OXR1: variants seen among roughly 807,000 people sequenced by gnomAD.
The protein encoded by OXR1 is oxidation resistance protein 1.
Under a neutral mutation model 104.6 loss-of-function variants are expected in OXR1, and 41 were observed. The observed-to-expected ratio is 0.39, with a 90% CI of 0.31 to 0.51. OXR1 has a LOEUF of 0.51. Among genes scored for constraint, OXR1 ranks in the 20% least tolerant of loss-of-function variants. The probability of loss-of-function intolerance (pLI) is 0.77; values close to 1 mark genes in which losing one functional copy is unlikely to be tolerated. For missense variants in OXR1, 955 were observed against 1,031.9 expected, an observed-to-expected ratio of 0.93 and a Z score of 1.02; for synonymous variants, 348 against 348.4, an observed-to-expected ratio of 1.00 and a Z score of 0.01.
chr8:106,545,538 G>A lies in OXR1; in HGVS notation c.220+26399G>A, dbSNP rs145960218. ...ACTCTTCCAGACACACAAGCATACT[G>A]TAAACCTATAATAATTAAAACGGTG... On this transcript the variant is annotated intron_variant, in intron 3 of 16. Transcript: ENST00000517566. 2.2e-3 allele frequency among the ~76,000 whole-genome samples: 338 copies of A among 152,308 alleles called. 2 individuals carry two copies. The highest frequency in any genetic ancestry group is 7.7e-3 in the African/African-American group (321 of 41,568).
At chr8:106,610,316 A>G (rs1416929294) in intron 3 of OXR1, among the ~76,000 whole-genome samples, 3 of 152,138 alleles carry the variant, frequency 2.0e-5, no homozygotes, top group Non-Finnish European at 4.4e-5. Flanking sequence ...ACAGTTTATA[A>G]TCATCATCTT....
intron 1 of OXR1, among the ~76,000 whole-genome samples, chr8:106,280,474 A>G (rs1455983578): frequency 6.6e-6 from 1 of 152,046 alleles, no homozygotes; most frequent in Non-Finnish European, 1.5e-5. Context: ...GACTCATCAC[A>G]CCACCAGTCT....
intron 1 of OXR1, among the ~76,000 whole-genome samples, chr8:106,345,783 G>T (rs1815452365): frequency 6.6e-6 from 1 of 152,122 alleles, no homozygotes; most frequent in African/African-American, 2.4e-5. Context: ...AATATATTAT[G>T]ATTATTGGTT....
At chr8:106,455,731 C>T (rs1418215491) in intron 2 of OXR1, among the ~76,000 whole-genome samples, 1 of 152,140 alleles carries the variant, frequency 6.6e-6, no homozygotes, top group Non-Finnish European at 1.5e-5. Flanking sequence ...TACCTTTGGA[C>T]TCTTTTGACT....
chr8:106,720,582 C>T (rs192062401), intron 11 of OXR1: 6 of 247,760 alleles, frequency 2.4e-5, no homozygotes, highest in Admixed American at 1.9e-4. Context: ...TTTGTTTAAT[C>T]ATTTTGTGCC....
chr8:106,721,698 A>G (rs1832836545), intron 11 of OXR1, among the ~76,000 whole-genome samples: 1 of 152,204 alleles, frequency 6.6e-6, no homozygotes, highest in Non-Finnish European at 1.5e-5. Context: ...TTACTATATA[A>G]ACCTCTATAC....
chr8:106,571,412 C>G (rs1817461530), intron 3 of OXR1, among the ~76,000 whole-genome samples: 1 of 152,058 alleles, frequency 6.6e-6, no homozygotes, highest in African/African-American at 2.4e-5. Flanking sequence ...TCATGAAGGC[C>G]TGACCCTCAT....
chr8:106,318,773 G>T (rs960516309), intron 1 of OXR1, among the ~76,000 whole-genome samples: 5 of 152,148 alleles, frequency 3.3e-5, no homozygotes, highest in African/African-American at 7.2e-5. Context: ...TTGCTTTTCT[G>T]CTAGTTTCTT....
chr8:106,568,462 C>T (rs1217328007), intron 3 of OXR1, among the ~76,000 whole-genome samples: 2 of 152,076 alleles, frequency 1.3e-5, no homozygotes, highest in Non-Finnish European at 1.5e-5. Context: ...GGAGAATGTA[C>T]TAGACGGATG....
At chr8:106,567,678 TC>T (rs1244410205) in intron 3 of OXR1, among the ~76,000 whole-genome samples, 1 of 152,188 alleles carries the variant, frequency 6.6e-6, no homozygotes, top group Non-Finnish European at 1.5e-5. Flanking sequence ...CTTTTATGCA[TC>T]CTTTTAGGAC....
rs28921386 is a variant in OXR1 at position 106,669,429 on chromosome 8, G to A, written c.221-9781G>A. ...TAGATACTAGATTTGAGGGAAAATT[G>A]AGGGGTTTTGTTTTGTTTTTGTTTT... On this transcript the variant is annotated intron_variant, in intron 3 of 16. Coordinates refer to ENST00000517566, the MANE Select transcript of OXR1 (RefSeq NM_001198533.2). Among the ~76,000 whole-genome samples the A allele has an allele frequency of 2.3e-3, 346 of 152,256 alleles. 1 individual carries two copies. Among genetic ancestry groups the A allele is most frequent in the African/African-American group, 7.7e-3 (321 of 41,570 alleles).
intron 3 of OXR1, among the ~76,000 whole-genome samples, chr8:106,558,157 C>T (rs151021722): frequency 1.2e-3 from 185 of 152,302 alleles, no homozygotes; most frequent in Admixed American, 3.3e-3. Flanking sequence ...GTGAGAATCA[C>T]ATGAGTAATG....
chr8:106,413,425 T>G (rs1818542645), intron 2 of OXR1, among the ~76,000 whole-genome samples: 1 of 152,120 alleles, frequency 6.6e-6, no homozygotes, highest in Admixed American at 6.6e-5. Context: ...CTTTTGAGCT[T>G]CTTCTTAAGA....
At chr8:106,363,140 T>C (rs1816318850) in intron 2 of OXR1, among the ~76,000 whole-genome samples, 1 of 152,214 alleles carries the variant, frequency 6.6e-6, no homozygotes, top group Non-Finnish European at 1.5e-5. Context: ...AAGTAGCCAC[T>C]CAAAAACTAG....
chr8:106,292,594 G>T (rs149850783), intron 1 of OXR1, among the ~76,000 whole-genome samples: 179 of 152,272 alleles, frequency 1.2e-3, no homozygotes, highest in African/African-American at 4.1e-3. Flanking sequence ...GTATTCCTCT[G>T]CAGATAAAGA....
chr8:106,426,868 A>G (rs528164144), intron 2 of OXR1, among the ~76,000 whole-genome samples: 2 of 152,346 alleles, frequency 1.3e-5, no homozygotes, highest in South Asian at 2.1e-4. Flanking sequence ...TTAGAAGTAT[A>G]TAAGTGAACT....
intron 3 of OXR1, among the ~76,000 whole-genome samples, chr8:106,623,679 G>A (rs80208547): frequency 0.017 from 2,631 of 152,284 alleles, 55 homozygotes; most frequent in African/African-American, 0.06. Flanking sequence ...TCTGAAAGAG[G>A]AGGTGGGAGA....
chr8:106,599,858 T>A (rs896745300), intron 3 of OXR1, among the ~76,000 whole-genome samples: 1 of 152,170 alleles, frequency 6.6e-6, no homozygotes, highest in South Asian at 2.1e-4. Context: ...GTTGGGGAGA[T>A]GGTTTCTGGA....
Position 106,446,175 on chromosome 8 carries a change from A to G in OXR1, c.24-72768A>G, listed in dbSNP as rs184451960. On this transcript the variant is annotated intron_variant, in intron 2 of 16. Transcript: ENST00000517566. ...ATCTGCAAGGTGGACACTTGTGTTCAAATGTGGTTCATTAACAAATAAACT... is the reference window on the plus strand; with the variant it reads ...ATCTGCAAGGTGGACACTTGTGTTCGAATGTGGTTCATTAACAAATAAACT... Among the ~76,000 whole-genome samples, 382 of 152,352 alleles carry G rather than the reference A, an allele frequency of 2.5e-3. 4 individuals carry two copies. The highest frequency in any genetic ancestry group is 4.0e-3 in the Non-Finnish European group (271 of 68,024).
Sources: allele counts gnomAD v4.1 joint callset (sites outside exome capture counted in the v4.1 genomes callset), GRCh38; gene constraint gnomAD v4.1.1; transcripts MANE v1.5; gene names NCBI Gene and HGNC (gene_info 2026-07-23, HGNC 2026-07-21).